Variants in SNX24 observed in about 807,000 individuals in gnomAD.
The protein encoded by SNX24 is sorting nexin 24, also known as sorting nexin-24.
In SNX24, 22 loss-of-function variants were observed where a neutral mutation model predicts 28.7. The ratio of observed to expected loss-of-function variants is 0.77; its 90% CI spans 0.55 to 1.10. The LOEUF (loss-of-function observed/expected upper bound fraction) is 1.10, where lower values mean the gene tolerates loss of function less well. Ranked by LOEUF, SNX24 falls within the 50% of genes least tolerant of loss-of-function variation. The pLI is 0.00. For synonymous variants in SNX24, 69 were observed against 71.5 expected (o/e 0.96, Z 0.18); for missense variants, 221 against 201.1 (o/e 1.10, Z -0.60).
chr5:122,872,878 C>G (rs913411818), intron 1 of SNX24, among the ~76,000 whole-genome samples: 2 of 151,610 alleles, frequency 1.3e-5, no homozygotes, highest in African/African-American at 4.8e-5. Flanking sequence ...TTGCTCTAAG[C>G]AGAAGTAGAA....
chr5:122,959,879 T>C (rs1007786955), intron 3 of SNX24, among the ~76,000 whole-genome samples: 1 of 152,094 alleles, frequency 6.6e-6, no homozygotes, highest in African/African-American at 2.4e-5. Flanking sequence ...TCACTCTACA[T>C]AGAGGCTTAA....
At chr5:122,912,730 G>T (rs1201654760) in intron 1 of SNX24, among the ~76,000 whole-genome samples, 2 of 148,176 alleles carry the variant, frequency 1.3e-5, no homozygotes, top group Middle Eastern at 3.5e-3. Flanking sequence ...AGATAATCAT[G>T]TGGGTTTTTT....
chr5:122,856,560 G>C (rs1755203790), intron 1 of SNX24, among the ~76,000 whole-genome samples: 1 of 145,700 alleles, frequency 6.9e-6, no homozygotes, highest in Non-Finnish European at 1.5e-5. Context: ...GAGTCATCCA[G>C]GCTGGAGTGC....
chr5:122,955,793 G>A (rs1261287961), intron 3 of SNX24, among the ~76,000 whole-genome samples: 1 of 152,178 alleles, frequency 6.6e-6, no homozygotes, highest in Non-Finnish European at 1.5e-5. Flanking sequence ...ACCATAAGAG[G>A]GGGCACATTA....
intron 5 of SNX24, among the ~76,000 whole-genome samples, chr5:123,019,302 AAG>A (rs1237284920): frequency 1.1e-3 from 162 of 152,258 alleles, no homozygotes; most frequent in Non-Finnish European, 1.7e-3. Flanking sequence ...AAAAAAAAAA[AAG>A]AAGTGCCTTG....
intron 1 of SNX24, among the ~76,000 whole-genome samples, chr5:122,926,647 T>C (rs1003468242): frequency 6.7e-6 from 1 of 148,992 alleles, no homozygotes; most frequent in African/African-American, 2.5e-5. Flanking sequence ...TTAAGAACTG[T>C]TGGGGAAGAC....
At chr5:122,972,513 C>T (rs867901108) in intron 3 of SNX24, among the ~76,000 whole-genome samples, 1 of 152,214 alleles carries the variant, frequency 6.6e-6, no homozygotes, top group East Asian at 1.9e-4. Context: ...TTACATCGTT[C>T]GGTCAATCCA....
downstream of SNX24, among the ~76,000 whole-genome samples, chr5:123,010,919 A>T (rs566136638): frequency 2.3e-3 from 316 of 138,994 alleles, 2 homozygotes; most frequent in East Asian, 4.0e-3. Flanking sequence ...TTCTCTTTTT[A>T]AAAAAAAAAA....
chr5:122,868,275 T>C (rs2112299), intron 1 of SNX24, among the ~76,000 whole-genome samples: 53,858 of 151,956 alleles, frequency 0.35, 10,162 homozygotes, highest in African/African-American at 0.45. Flanking sequence ...CATTTGATGA[T>C]GGAGTGCTGC....
intron 1 of SNX24, among the ~76,000 whole-genome samples, chr5:122,876,777 G>C (rs1192609506): frequency 6.6e-6 from 1 of 152,184 alleles, no homozygotes; most frequent in Non-Finnish European, 1.5e-5. Flanking sequence ...GTACCCGGAA[G>C]ACCTCCTGCA....
chr5:123,006,522 C>T (rs1762425242), intron 6 of SNX24, among the ~76,000 whole-genome samples: 1 of 152,240 alleles, frequency 6.6e-6, no homozygotes, highest in Middle Eastern at 3.2e-3. Flanking sequence ...CTCCAGCTGG[C>T]AGCCAGAATC....
chr5:122,957,257 A>G (rs1312295652), intron 3 of SNX24, among the ~76,000 whole-genome samples: 1 of 152,168 alleles, frequency 6.6e-6, no homozygotes, highest in Non-Finnish European at 1.5e-5. Flanking sequence ...TCCTAGCACA[A>G]TTTGTTGAAA....
At chr5:122,940,248 C>T (rs1320613154) in intron 2 of SNX24, among the ~76,000 whole-genome samples, 1 of 152,154 alleles carries the variant, frequency 6.6e-6, no homozygotes, top group Admixed American at 6.5e-5. Context: ...CCCACCTCTG[C>T]CTCCCAAAGT....
At chr5:122,864,533 A>T (rs942728619) in intron 1 of SNX24, among the ~76,000 whole-genome samples, 4 of 152,212 alleles carry the variant, frequency 2.6e-5, no homozygotes, top group South Asian at 4.1e-4. Flanking sequence ...CCAAACATTC[A>T]GTGATGAGTT....
At chr5:122,881,234 A>AG (rs33951173) in intron 1 of SNX24, among the ~76,000 whole-genome samples, 63 of 152,044 alleles carry the variant, frequency 4.1e-4, no homozygotes, top group African/African-American at 1.4e-3. Flanking sequence ...TTTTTAAAAA[A>AG]CATTTCACAG....
intron 1 of SNX24, among the ~76,000 whole-genome samples, chr5:122,861,463 G>A (rs1230635889): frequency 6.6e-6 from 1 of 152,176 alleles, no homozygotes; most frequent in Admixed American, 6.5e-5. Flanking sequence ...TCAGGATGAT[G>A]GGGAATATGG....
intron 1 of SNX24, among the ~76,000 whole-genome samples, chr5:122,868,963 A>AT (rs1262040726): frequency 6.6e-6 from 1 of 152,180 alleles, no homozygotes; most frequent in Non-Finnish European, 1.5e-5. Context: ...GTTTTTCTTC[A>AT]TTTTGTTCAG....
chr5:122,971,369 T>G (rs1420008145), intron 3 of SNX24, among the ~76,000 whole-genome samples: 1 of 152,102 alleles, frequency 6.6e-6, no homozygotes, highest in Non-Finnish European at 1.5e-5. Flanking sequence ...TTAATCTCCT[T>G]TGGCAGCACC....
At chr5:123,001,524 T>TC (rs895566784) in intron 5 of SNX24, 87 bp downstream of exon 5, 1 of 972,590 alleles carries the variant, frequency 1.0e-6, no homozygotes, top group Non-Finnish European at 1.6e-6. Context: ...GTTATGTTTT[T>TC]CTTAAGAACC....
Sources: gnomAD v4.1 joint callset for allele counts (sites outside exome capture counted in the v4.1 genomes callset) on GRCh38, gnomAD v4.1.1 for gene constraint, MANE v1.5 for transcripts, NCBI Gene and HGNC (gene_info 2026-07-23, HGNC 2026-07-21) for gene names.